Variants in LDLRAD4 observed in about 807,000 individuals in gnomAD.
The protein encoded by LDLRAD4 is low density lipoprotein receptor class A domain containing 4, also known as low-density lipoprotein receptor class A domain-containing protein 4.
A neutral mutation model predicts 17.0 loss-of-function variants in LDLRAD4; 5 were observed. The observed-to-expected ratio is 0.29, with a 90% CI of 0.15 to 0.62. LDLRAD4 has a LOEUF of 0.62. Among genes scored for constraint, LDLRAD4 ranks in the 20% least tolerant of loss-of-function variants. LDLRAD4 has a pLI of 0.84. For missense variants in LDLRAD4, 340 were observed against 424.7 expected, an observed-to-expected ratio of 0.80 and a Z score of 1.75; for synonymous variants, 168 against 171.8, an observed-to-expected ratio of 0.98 and a Z score of 0.17.
chr18:13,552,384 G>A (rs751695589), intron 3 of LDLRAD4, among the ~76,000 whole-genome samples: 1 of 152,216 alleles, frequency 6.6e-6, no homozygotes, highest in South Asian at 2.1e-4. Context: ...AGGCACTTAC[G>A]TTTTATGCCT....
intron 1 of LDLRAD4, among the ~76,000 whole-genome samples, chr18:13,345,355 A>T (rs1474994128): frequency 1.3e-5 from 2 of 152,004 alleles, no homozygotes; most frequent in East Asian, 1.9e-4. Flanking sequence ...GGTTTTTGTC[A>T]TTGGTTCTGT....
chr18:13,628,734 T>G (rs2148874064), intron 4 of LDLRAD4, among the ~76,000 whole-genome samples: 1 of 152,282 alleles, frequency 6.6e-6, no homozygotes, highest in East Asian at 1.9e-4. Flanking sequence ...GGGCAGAGCT[T>G]TGGAAGAGTC....
chr18:13,300,954 A>C lies in LDLRAD4; in HGVS notation c.-383+22766A>C, dbSNP rs554678612. Among the ~76,000 whole-genome samples the C allele has an allele frequency of 6.6e-6, 1 of 152,344 alleles. No individual in the cohort carries two copies. The highest frequency in any genetic ancestry group is 2.1e-4 in the South Asian group (1 of 4,832). ...GTGAGGGCTGATCTTCCAGTGCCCG[A>C]GTCCCCGCTGTGAGCGCCCTGAGGA... is the stretch of plus-strand genomic sequence containing the variant. On this transcript the variant is annotated intron_variant, in intron 1 of 5. Transcript: ENST00000359446. The surrounding 1 kb of genome is among the most constrained non-coding windows in gnomAD (Gnocchi z 4.2).
intron 1 of LDLRAD4, among the ~76,000 whole-genome samples, chr18:13,261,668 T>C (rs2043822184): frequency 6.6e-6 from 1 of 152,256 alleles, no homozygotes; most frequent in African/African-American, 2.4e-5. Flanking sequence ...CATTAGAAAG[T>C]GCAGTCTTTC....
intron 1 of LDLRAD4, among the ~76,000 whole-genome samples, chr18:13,228,479 T>C (rs1317669907): frequency 6.6e-6 from 1 of 152,206 alleles, no homozygotes; most frequent in East Asian, 1.9e-4. Context: ...TTTGGCTTGC[T>C]CCTGCAACAC....
At chr18:13,360,025 G>T (rs35815061) in intron 1 of LDLRAD4, among the ~76,000 whole-genome samples, 65,996 of 152,116 alleles carry the variant, frequency 0.43, 17,016 homozygotes, top group Non-Finnish European at 0.57. Flanking sequence ...TTCAGATGGA[G>T]CACAGAGACT....
chr18:13,648,597 T>G (rs1303608078), exon 6 of LDLRAD4: 4 of 152,214 alleles, frequency 2.6e-5, no homozygotes, highest in Admixed American at 1.3e-4. Flanking sequence ...AAGATACAAC[T>G]TACACAGTGG....
rs182332938 is a variant in LDLRAD4 at position 13,376,915 on chromosome 18, C to T, written c.-382-10426C>T. 9.2e-5 allele frequency among the ~76,000 whole-genome samples: 14 copies of T among 152,340 alleles called. No homozygotes were observed. The East Asian group carries it at 9.7e-4, about 11-fold the overall frequency. On this transcript the variant is annotated intron_variant, in intron 1 of 5. Transcript: ENST00000359446. ...CTGGCCGGAGGCCTCCAGAACACAG[C>T]GGTGGGGTTTGTGGCCCCATTAGTT... is the stretch of plus-strand genomic sequence containing the variant.
chr18:13,556,915 T>C (rs2094489907), intron 3 of LDLRAD4, among the ~76,000 whole-genome samples: 1 of 152,110 alleles, frequency 6.6e-6, no homozygotes, highest in South Asian at 2.1e-4. Context: ...GATTAATGCT[T>C]TATAAAGGGT....
At chr18:13,273,531 A>T (rs779946452), upstream of LDLRAD4, among the ~76,000 whole-genome samples, 5 of 152,114 alleles carry the variant, frequency 3.3e-5, no homozygotes, top group Non-Finnish European at 5.9e-5. Context: ...AACTTAAGCT[A>T]TCCTCCCACC....
chr18:13,644,764 C>T (rs1601901038), intron 5 of LDLRAD4: 2 of 219,888 alleles, frequency 9.1e-6, no homozygotes, highest in South Asian at 9.4e-5. Flanking sequence ...AAGTGCAGGC[C>T]GCAGTGCTCT....
At chr18:13,256,264 T>C (rs2043497122) in intron 1 of LDLRAD4, among the ~76,000 whole-genome samples, 1 of 152,180 alleles carries the variant, frequency 6.6e-6, no homozygotes, top group African/African-American at 2.4e-5. Flanking sequence ...TCTAAAAGCA[T>C]CCTCCTGCCA....
At chr18:13,275,043 A>C (rs2044778246), upstream of LDLRAD4, among the ~76,000 whole-genome samples, 1 of 152,084 alleles carries the variant, frequency 6.6e-6, no homozygotes, top group African/African-American at 2.4e-5. Context: ...CTGTTTCAAA[A>C]AAAAAAAAAA....
Position 13,621,215 on chromosome 18 carries a change from C to T in LDLRAD4, c.280C>T (p.Arg94Trp), listed in dbSNP as rs948982534. The change falls in exon 4 of 6, where the codon CGG (arginine) becomes TGG (tryptophan). Residue 94 changes from arginine (R) to tryptophan (W), a missense_variant. Coordinates refer to ENST00000359446, the Ensembl canonical transcript of LDLRAD4. The surrounding 1 kb of genome is among the most constrained non-coding windows in gnomAD (Gnocchi z 5.5). ...GCTGAACCACTACAAAGTCTCCACG[C>T]GGTCCTTCATCAACCGCCCGAACCA... 17 of 1,613,990 alleles carry T rather than the reference C, an allele frequency of 1.1e-5. No individual in the cohort carries two copies. Among genetic ancestry groups the T allele is most frequent in the African/African-American group, 6.7e-5 (5 of 74,934 alleles).
chr18:13,548,073 G>T (rs769836180), intron 3 of LDLRAD4, among the ~76,000 whole-genome samples: 84 of 152,298 alleles, frequency 5.5e-4, no homozygotes, highest in Non-Finnish European at 1.0e-3. Flanking sequence ...CCACAGGCAG[G>T]TCATTCTGAC....
At chr18:13,597,889 T>A (rs1275026621) in intron 3 of LDLRAD4, among the ~76,000 whole-genome samples, 1 of 152,250 alleles carries the variant, frequency 6.6e-6, no homozygotes, top group African/African-American at 2.4e-5. Flanking sequence ...TTCTATTTCT[T>A]TATTGATATT....
At chr18:13,448,854 A>C (rs1600371125) in intron 3 of LDLRAD4, among the ~76,000 whole-genome samples, 1 of 152,148 alleles carries the variant, frequency 6.6e-6, no homozygotes, top group Non-Finnish European at 1.5e-5. Context: ...CTGCCATGAG[A>C]TACGTCGTGG....
At chr18:13,578,987 G>A (rs1260138944) in intron 3 of LDLRAD4, among the ~76,000 whole-genome samples, 2 of 151,652 alleles carry the variant, frequency 1.3e-5, no homozygotes, top group Non-Finnish European at 1.5e-5. Flanking sequence ...TCAGGAGATC[G>A]AGACCATCCT....
intron 1 of LDLRAD4, among the ~76,000 whole-genome samples, chr18:13,337,848 G>A (rs559406775): frequency 1.3e-4 from 19 of 151,978 alleles, no homozygotes; most frequent in Admixed American, 3.9e-4. Context: ...GTGACAGCAC[G>A]AGGCCATCTC....
Sources: gnomAD v4.1 joint callset for allele counts (sites outside exome capture counted in the v4.1 genomes callset) on GRCh38, gnomAD v4.1.1 for gene constraint, Gnocchi (gnomAD v3.1) non-coding constraint, MANE v1.5 for transcripts, NCBI Gene and HGNC (gene_info 2026-07-23, HGNC 2026-07-21) for gene names.